Variants in PITX3 observed in about 807,000 individuals in gnomAD.
The protein encoded by PITX3 is paired like homeodomain 3, also known as pituitary homeobox 3.
Under a neutral mutation model 14.2 loss-of-function variants are expected in PITX3, and 4 were observed. The observed-to-expected ratio is 0.28, with a 90% confidence interval of 0.14 to 0.65. The LOEUF is 0.65. Ranked by LOEUF, PITX3 falls within the 30% of genes least tolerant of loss-of-function variation. PITX3 has a pLI of 0.82. For synonymous variants in PITX3, 194 were observed against 204.5 expected (o/e 0.95, Z 0.44); for missense variants, 358 against 426.8 (o/e 0.84, Z 1.42).
chr10:102,235,169 CCCACCCCCCA>C (rs1397104735), intron 1 of PITX3, among the ~76,000 whole-genome samples: 1 of 71,552 alleles, frequency 1.4e-5, no homozygotes, highest in African/African-American at 7.1e-5. Flanking sequence ...TTACCCTTCC[CCCACCCCCCA>C]CCCCCCCACC....
At chr10:102,236,096 T>C (rs61031067) in intron 1 of PITX3, among the ~76,000 whole-genome samples, 43 of 152,206 alleles carry the variant, frequency 2.8e-4, no homozygotes, top group African/African-American at 9.6e-4. Context: ...GGTGGGGGCA[T>C]AGACCTCTAG....
chr10:102,234,407 G>A (rs1355160635), intron 1 of PITX3, among the ~76,000 whole-genome samples: 1 of 152,172 alleles, frequency 6.6e-6, no homozygotes, highest in Non-Finnish European at 1.5e-5. Flanking sequence ...GGGCTGGAGG[G>A]AACCCAGGAC....
In PITX3 at chr10:102,232,085, G is replaced by A. The variant is rs1564992094; in HGVS notation, c.-5C>T. On this transcript the variant is annotated 5_prime_UTR_variant, in exon 2 of 4. Coordinates refer to ENST00000370002, the MANE Select transcript of PITX3 (RefSeq NM_005029.4). ...GCTGAGCAGGCCGAACTCCATGGAG[G>A]GAGGGCTCTGGAGGCGAGAGAAGAC... 1 of 1,554,508 alleles carries A rather than the reference G, an allele frequency of 6.4e-7. No homozygotes were observed. The highest frequency in any genetic ancestry group is 2.3e-5 in the East Asian group (1 of 44,224).
At chr10:102,237,043 G>A (rs1008831046) in intron 1 of PITX3, among the ~76,000 whole-genome samples, 9 of 152,162 alleles carry the variant, frequency 5.9e-5, no homozygotes, top group African/African-American at 1.9e-4. Flanking sequence ...GGGACGATTC[G>A]GGGATCAGAG....
chr10:102,231,469 A>AGGGTCCG (rs1360135635), intron 3 of PITX3, 119 bp downstream of exon 3: 4 of 650,690 alleles, frequency 6.1e-6, no homozygotes, highest in Admixed American at 2.9e-5. Flanking sequence ...GCCGGGAGCC[A>AGGGTCCG]GGGTCCGGGG....
rs1464904905 is a variant in PITX3, at chr10:102,230,638, G to A, written c.785C>T (p.Ser262Leu). The A allele has an allele frequency of 1.2e-6, 2 of 1,604,998 alleles. No individual in the cohort carries two copies. The highest frequency in any genetic ancestry group is 1.7e-6 in the Non-Finnish European group (2 of 1,176,328). ...SPYVYRDPCN[S>L]SLASLRLKAK... Reference sequence around the variant, plus strand: ...TTTGAGCCGCAGGCTGGCCAGGCTCGAGTTACACGGGTCCCGATAGACGTA... The same window carrying A: ...TTTGAGCCGCAGGCTGGCCAGGCTCAAGTTACACGGGTCCCGATAGACGTA... Residue 262 changes from serine to leucine, a missense_variant, in exon 4 of 4, where the codon TCG (serine) becomes TTG (leucine). Physicochemically the swap from Ser to Leu is moderately radical, Grantham distance 145. This residue lies in a region of PITX3 where 236 missense variants were observed against 250.2 expected (regional missense o/e 0.94). Transcript: ENST00000370002.
At chr10:102,238,179 T>A (rs1472680991) in intron 1 of PITX3, among the ~76,000 whole-genome samples, 2 of 152,180 alleles carry the variant, frequency 1.3e-5, no homozygotes, top group African/African-American at 4.8e-5. Flanking sequence ...ATCATTCTTT[T>A]CATGAGTCCC....
intron 1 of PITX3, among the ~76,000 whole-genome samples, chr10:102,238,094 T>G (rs143263151): frequency 6.6e-6 from 1 of 152,106 alleles, no homozygotes; most frequent in Non-Finnish European, 1.5e-5. Context: ...AAAGGAGAGA[T>G]AGAGTTTTGA....
At chr10:102,240,291 C>T (rs531731057) in intron 1 of PITX3, among the ~76,000 whole-genome samples, 50 of 152,338 alleles carry the variant, frequency 3.3e-4, no homozygotes, top group African/African-American at 1.2e-3. Context: ...TAGCAGGCTC[C>T]TCATTGGCCT....
At chr10:102,239,274 C>T (rs955737731) in intron 1 of PITX3, among the ~76,000 whole-genome samples, 2 of 152,226 alleles carry the variant, frequency 1.3e-5, no homozygotes, top group African/African-American at 4.8e-5. Context: ...AAGGTTCTGT[C>T]TTTTGTTTCC....
At chr10:102,233,763 T>C (rs534336851) in intron 1 of PITX3, among the ~76,000 whole-genome samples, 16 of 152,316 alleles carry the variant, frequency 1.1e-4, no homozygotes, top group African/African-American at 3.8e-4. Context: ...GGACAGCCTC[T>C]ACCAAGCCTG....
At position 102,233,236 on chromosome 10, in the gene PITX3, G is replaced by A. The variant is rs374548048; in HGVS notation, c.-12-1144C>T. Among the ~76,000 whole-genome samples the A allele has an allele frequency of 3.6e-4, 55 of 151,782 alleles. 1 individual carries two copies. Among genetic ancestry groups the A allele is most frequent in the East Asian group, 2.9e-3 (15 of 5,174 alleles). Reference sequence around the variant, plus strand: ...GTTCTAGCCTGGCCTTGCTTGGGTCGGCTTCAGCTAGGGCAGCGCTGCTTT... The same window carrying A: ...GTTCTAGCCTGGCCTTGCTTGGGTCAGCTTCAGCTAGGGCAGCGCTGCTTT... On this transcript the variant is annotated intron_variant, in intron 1 of 3. Coordinates refer to ENST00000370002, the MANE Select transcript of PITX3 (RefSeq NM_005029.4).
intron 3 of PITX3, 31 bp downstream of exon 3, chr10:102,231,557 C>T: frequency 2.8e-6 from 4 of 1,441,394 alleles, no homozygotes; most frequent in Non-Finnish European, 2.9e-6. Context: ...AGGGCCCGCG[C>T]GGGTGCGAGT....
At position 102,232,059 on chromosome 10, in the gene PITX3, C is replaced by T; in HGVS notation, c.22G>A (p.Glu8Lys). 1 of 1,601,708 alleles carries T rather than the reference C, an allele frequency of 6.2e-7. No individual in the cohort carries two copies. Among genetic ancestry groups the T allele is most frequent in the East Asian group, 2.2e-5 (1 of 44,652 alleles). The stretch of plus-strand genomic sequence containing the variant: ...AGGGCAGGGCTCCGGGCCTCTGCCT[C>T]GCTGAGCAGGCCGAACTCCATGGAG... Reference protein sequence around the residue: MEFGLLSEAEARSPALSL... With the variant: MEFGLLSKAEARSPALSL... Residue 8 changes from glutamate (E) to lysine (K), a missense_variant, in exon 2 of 4, where the codon GAG becomes AAG. By Grantham distance (56) the Glu-to-Lys change is moderately conservative. Coordinates refer to ENST00000370002, the MANE Select transcript of PITX3 (RefSeq NM_005029.4).
rs572735847 is a variant in PITX3 at position 102,236,624 on chromosome 10, G to C, written c.-12-4532C>G. On this transcript the variant is annotated intron_variant, in intron 1 of 3. Transcript: ENST00000370002. ...GGTGGAGAGCAGATCCCAGGCCAGG[G>C]AGGCCACAGTGGGGAGGCCATGGTT... is the stretch of plus-strand genomic sequence containing the variant. Among the ~76,000 whole-genome samples, 9 of 152,320 alleles carry C rather than the reference G, an allele frequency of 5.9e-5. No individual in the cohort carries two copies. In the South Asian group the frequency reaches 1.7e-3, roughly 28 times the overall value.
chr10:102,234,994 C>A (rs1048053919), intron 1 of PITX3, among the ~76,000 whole-genome samples: 1 of 152,130 alleles, frequency 6.6e-6, no homozygotes, highest in Middle Eastern at 3.2e-3. Flanking sequence ...CACACACAGG[C>A]CCCCACTCAG....
Position 102,231,107 on chromosome 10 carries a change from G to T in PITX3, c.322-6C>A. The T allele has an allele frequency of 6.5e-7, 1 of 1,537,342 alleles. No homozygotes were observed. On this transcript the variant is annotated splice_polypyrimidine_tract_variant and splice_region_variant and intron_variant, in intron 3 of 3. Transcript: ENST00000370002. ...CGCCGGTTCTTGAACCACACCTGCG[G>T]GCACGGGAGAAAGGCGGTCAGGGCC...
intron 1 of PITX3, among the ~76,000 whole-genome samples, chr10:102,240,596 A>T (rs147188068): frequency 6.6e-6 from 1 of 152,286 alleles, no homozygotes; most frequent in Non-Finnish European, 1.5e-5. Context: ...ACTGCCAGAC[A>T]CAACTCCCGC....
chr10:102,232,658 G>A (rs1459742104), intron 1 of PITX3, among the ~76,000 whole-genome samples: 1 of 152,118 alleles, frequency 6.6e-6, no homozygotes, highest in Non-Finnish European at 1.5e-5. Flanking sequence ...CTCCAGCCTG[G>A]GTGACAGAGC....
Sources: allele counts gnomAD v4.1 joint callset (sites outside exome capture counted in the v4.1 genomes callset), GRCh38; gene constraint gnomAD v4.1.1; regional missense constraint gnomAD v4.1.1; transcripts MANE v1.5; gene names NCBI Gene and HGNC (gene_info 2026-07-23, HGNC 2026-07-21).